The following PTPRO variants were observed in gnomAD, a reference collection of about 807,000 sequenced individuals.
PTPRO encodes the protein protein tyrosine phosphatase receptor type O.
In PTPRO, 62 loss-of-function variants were observed where a neutral mutation model predicts 145.2. The observed-to-expected ratio is 0.43, with a 90% CI of 0.35 to 0.53. The LOEUF (loss-of-function observed/expected upper bound fraction) is 0.53. Among genes scored for constraint, PTPRO ranks in the 20% least tolerant of loss-of-function variants. The pLI, the probability that PTPRO is intolerant of heterozygous loss-of-function variation, is 0.01. For synonymous variants in PTPRO, 565 were observed against 514.7 expected, an observed-to-expected ratio of 1.10 and a Z score of -1.32; for missense variants, 1,345 against 1,482.7, an observed-to-expected ratio of 0.91 and a Z score of 1.53.
chr12:15,531,486 GCTGGAAAGTGACTGTGTAGCATACAA>G (rs1194240463), intron 12 of PTPRO, among the ~76,000 whole-genome samples: 4 of 152,160 alleles, frequency 2.6e-5, no homozygotes, highest in Admixed American at 6.5e-5. Flanking sequence ...ATGACATACA[GCTGGAAAGTGACTGTGTAGCATACAA>G]CTGGAAAGTG....
At chr12:15,446,275 T>A (rs1344346693) in intron 1 of PTPRO, among the ~76,000 whole-genome samples, 2 of 152,094 alleles carry the variant, frequency 1.3e-5, no homozygotes, top group Non-Finnish European at 2.9e-5. Flanking sequence ...TTTCTCTAAC[T>A]AAAGAATCAT....
At chr12:15,448,241 T>C (rs1940952174) in intron 1 of PTPRO, among the ~76,000 whole-genome samples, 1 of 150,144 alleles carries the variant, frequency 6.7e-6, no homozygotes, top group Non-Finnish European at 1.5e-5. Flanking sequence ...AATGATTTTT[T>C]CCTAATACTA....
intron 1 of PTPRO, among the ~76,000 whole-genome samples, chr12:15,384,673 A>T (rs1161039650): frequency 2.0e-5 from 3 of 152,218 alleles, no homozygotes; most frequent in Admixed American, 1.3e-4. Context: ...TTAGGGCTTC[A>T]ACATATGAAT....
chr12:15,480,213 G>T (rs1941749492), intron 1 of PTPRO, among the ~76,000 whole-genome samples: 1 of 152,016 alleles, frequency 6.6e-6, no homozygotes, highest in South Asian at 2.1e-4. Context: ...AGTTTATTAA[G>T]TATAGTAATA....
intron 12 of PTPRO, among the ~76,000 whole-genome samples, chr12:15,531,040 TAA>T: frequency 6.6e-6 from 1 of 152,048 alleles, no homozygotes; most frequent in East Asian, 1.9e-4. Flanking sequence ...GTAGGCATAA[TAA>T]GAGACCTCAT....
chr12:15,520,310 C>A lies in PTPRO; in HGVS notation c.1889C>A (p.Thr630Lys). ...CCDSSTISFI[T>K]APVAPEITSV... ...GACAGCTCTACCATCAGCTTCATAA[C>A]AGGTGAGGCATGTGTGGGGAACAGT... The change falls in exon 10 of 27, where the codon ACA (threonine) becomes AAA (lysine). Residue 630 changes from threonine (T) to lysine (K), a missense_variant and splice_region_variant. Coordinates refer to ENST00000281171, the MANE Select transcript of PTPRO (RefSeq NM_030667.3). The A allele has an allele frequency of 1.2e-6, 2 of 1,603,536 alleles. No individual in the cohort carries two copies. The highest frequency in any genetic ancestry group is 1.7e-6 in the Non-Finnish European group (2 of 1,170,576).
chr12:15,328,033 G>A (rs1416621603), intron 1 of PTPRO, among the ~76,000 whole-genome samples: 1 of 151,672 alleles, frequency 6.6e-6, no homozygotes, highest in Non-Finnish European at 1.5e-5. Context: ...AGAATCGCTT[G>A]AACCCAGAAG....
chr12:15,369,077 G>A (rs947991029), intron 1 of PTPRO, among the ~76,000 whole-genome samples: 5 of 152,246 alleles, frequency 3.3e-5, no homozygotes, highest in African/African-American at 4.8e-5. Context: ...TCTAACCATC[G>A]TGAGGGTGTG....
chr12:15,498,427 G>A (rs573128582), intron 3 of PTPRO, among the ~76,000 whole-genome samples: 5 of 152,102 alleles, frequency 3.3e-5, no homozygotes, highest in South Asian at 2.1e-4. Context: ...GCGTGGTGGC[G>A]GGCGCCTGTA....
intron 1 of PTPRO, among the ~76,000 whole-genome samples, chr12:15,473,495 G>C (rs1184288210): frequency 6.6e-6 from 1 of 152,190 alleles, no homozygotes; most frequent in African/African-American, 2.4e-5. Context: ...AAGACATTGA[G>C]TGGCTCATGC....
intron 2 of PTPRO, among the ~76,000 whole-genome samples, chr12:15,493,081 A>G (rs1189718659): frequency 1.3e-5 from 2 of 152,302 alleles, no homozygotes; most frequent in African/African-American, 4.8e-5. Flanking sequence ...TAGATAAATA[A>G]GCTTGAAAGG....
chr12:15,343,801 C>A (rs1212218757), intron 1 of PTPRO, among the ~76,000 whole-genome samples: 1 of 152,158 alleles, frequency 6.6e-6, no homozygotes, highest in African/African-American at 2.4e-5. Context: ...CCCGGGTTCG[C>A]GCCATTCTCC....
chr12:15,370,018 C>T (rs1399058554), intron 1 of PTPRO, among the ~76,000 whole-genome samples: 3 of 151,838 alleles, frequency 2.0e-5, no homozygotes, highest in Non-Finnish European at 4.4e-5. Context: ...CCCCACTCCA[C>T]TCCAGCCTGG....
chr12:15,406,372 T>C (rs1260024379), intron 1 of PTPRO, among the ~76,000 whole-genome samples: 1 of 152,116 alleles, frequency 6.6e-6, no homozygotes, highest in African/African-American at 2.4e-5. Context: ...TTAAATGAAA[T>C]TCGTGTTTCT....
intron 2 of PTPRO, among the ~76,000 whole-genome samples, chr12:15,493,278 A>G (rs1942035707): frequency 6.6e-6 from 1 of 152,090 alleles, no homozygotes; most frequent in African/African-American, 2.4e-5. Flanking sequence ...GAATAAAGAT[A>G]AAATAAAGAA....
At chr12:15,345,660 T>C (rs1431455494) in intron 1 of PTPRO, among the ~76,000 whole-genome samples, 3 of 152,096 alleles carry the variant, frequency 2.0e-5, no homozygotes, top group Admixed American at 6.5e-5. Context: ...GATTGGTTGA[T>C]GGATGCAGCA....
In PTPRO at chr12:15,587,163, T is replaced by C. The variant is rs1009350877; in HGVS notation, c.3410+112T>C. The C allele has an allele frequency of 3.3e-6, 4 of 1,217,058 alleles. No individual in the cohort carries two copies. In the African/African-American group the frequency reaches 6.0e-5, roughly 18 times the overall value. 75.4% of individuals were successfully genotyped at this position (1,217,058 alleles called of 1,614,324 possible). On this transcript the variant is annotated intron_variant, in intron 24 of 26. Transcript: ENST00000281171. ...GTTTAGTTGAAAATTAAATAAACTCTGATGTTTTTTAAACTATGATTAATT... is the reference window on the plus strand; with the variant it reads ...GTTTAGTTGAAAATTAAATAAACTCCGATGTTTTTTAAACTATGATTAATT...
chr12:15,573,127 A>T (rs140384642), intron 19 of PTPRO, among the ~76,000 whole-genome samples: 2 of 152,108 alleles, frequency 1.3e-5, no homozygotes, highest in African/African-American at 4.8e-5. Context: ...ATTTTAAGGT[A>T]TTGGCTTTTG....
At chr12:15,464,182 G>A (rs1941364604) in intron 1 of PTPRO, among the ~76,000 whole-genome samples, 1 of 152,096 alleles carries the variant, frequency 6.6e-6, no homozygotes, top group Non-Finnish European at 1.5e-5. Flanking sequence ...TATGCAGGGA[G>A]GAGGAAATAG....
Sources: allele counts gnomAD v4.1 joint callset (sites outside exome capture counted in the v4.1 genomes callset), GRCh38; gene constraint gnomAD v4.1.1; transcripts MANE v1.5; gene names NCBI Gene and HGNC (gene_info 2026-07-23, HGNC 2026-07-21).